Variants in CCDC178 observed in about 807,000 individuals in gnomAD.
The protein encoded by CCDC178 is coiled-coil domain containing 178.
CCDC178 carries 126 observed loss-of-function variants against 117.4 expected under a neutral mutation model. The ratio of observed to expected loss-of-function variants is 1.07; its 90% confidence interval spans 0.93 to 1.24. The LOEUF (loss-of-function observed/expected upper bound fraction) is 1.24, where lower values mean the gene tolerates loss of function less well. Among genes scored for constraint, CCDC178 ranks in the 50% most tolerant of loss-of-function variants. The pLI is 0.00. For synonymous variants in CCDC178, 283 were observed against 313.4 expected (o/e 0.90, Z 1.02); for missense variants, 1,030 against 986.9 (o/e 1.04, Z -0.59).
intron 22 of CCDC178, among the ~76,000 whole-genome samples, chr18:32,942,592 G>A (rs2144592015): frequency 6.6e-6 from 1 of 152,144 alleles, no homozygotes; most frequent in East Asian, 1.9e-4. Flanking sequence ...AGTCATCTGT[G>A]TTTTCTGTTT....
intron 14 of CCDC178, among the ~76,000 whole-genome samples, chr18:33,252,290 A>C (rs1568090048): frequency 6.6e-6 from 1 of 151,748 alleles, no homozygotes; most frequent in Non-Finnish European, 1.5e-5. Context: ...ACCCAAATTC[A>C]TATTTCAATG....
At chr18:33,161,059 T>C (rs140195257) in intron 20 of CCDC178, among the ~76,000 whole-genome samples, 1 of 152,186 alleles carries the variant, frequency 6.6e-6, no homozygotes, top group East Asian at 1.9e-4. Context: ...AATTAAAAAA[T>C]AGATCAACTG....
chr18:33,397,651 GAT>G (rs976692739), intron 3 of CCDC178, among the ~76,000 whole-genome samples: 15 of 152,068 alleles, frequency 9.9e-5, no homozygotes, highest in Middle Eastern at 3.4e-3. Context: ...CATGAAGAAA[GAT>G]AAACGCAATT....
intron 5 of CCDC178, among the ~76,000 whole-genome samples, chr18:33,371,602 A>G (rs2063300997): frequency 6.6e-6 from 1 of 152,016 alleles, no homozygotes; most frequent in Non-Finnish European, 1.5e-5. Context: ...AGTACTAAAA[A>G]TATATTTCAG....
intron 22 of CCDC178, among the ~76,000 whole-genome samples, chr18:32,943,466 T>G (rs2054282957): frequency 6.6e-6 from 1 of 152,122 alleles, no homozygotes; most frequent in African/African-American, 2.4e-5. Flanking sequence ...TTCCTAGAAT[T>G]CAACATGAGT....
intron 3 of CCDC178, among the ~76,000 whole-genome samples, chr18:33,405,801 A>G (rs1245445636): frequency 1.3e-5 from 2 of 152,098 alleles, no homozygotes; most frequent in Non-Finnish European, 2.9e-5. Flanking sequence ...GAAGGATGGG[A>G]AAAGTATAAT....
At chr18:33,405,526 A>G (rs1326419292) in intron 3 of CCDC178, among the ~76,000 whole-genome samples, 1 of 151,962 alleles carries the variant, frequency 6.6e-6, no homozygotes, top group Non-Finnish European at 1.5e-5. Flanking sequence ...TCAAATGACA[A>G]TTAGATAATA....
At chr18:33,320,180 C>G (rs558378537) in intron 11 of CCDC178, among the ~76,000 whole-genome samples, 66 of 152,262 alleles carry the variant, frequency 4.3e-4, no homozygotes, top group African/African-American at 1.5e-3. Flanking sequence ...TGAAAACTGG[C>G]ACAAGACAGG....
chr18:33,112,958 G>A (rs1335504759), intron 20 of CCDC178, among the ~76,000 whole-genome samples: 5 of 151,872 alleles, frequency 3.3e-5, no homozygotes, highest in Admixed American at 1.3e-4. Context: ...CTAATCCCTA[G>A]GATTCCTACT....
At chr18:33,355,179 A>G (rs904753192) in intron 7 of CCDC178, among the ~76,000 whole-genome samples, 23 of 152,244 alleles carry the variant, frequency 1.5e-4, no homozygotes, top group African/African-American at 5.3e-4. Flanking sequence ...AAAATTGGAC[A>G]TTTTGAATAT....
At chr18:32,974,720 G>T in intron 21 of CCDC178, 39 bp from the exon 22 acceptor site, 1 of 1,600,984 alleles carries the variant, frequency 6.2e-7, no homozygotes, top group Non-Finnish European at 8.5e-7. Flanking sequence ...CAAGTCAGAG[G>T]AGGAGAGGAA....
chr18:33,228,290 A>G (rs1465551840), intron 15 of CCDC178, among the ~76,000 whole-genome samples: 1 of 152,182 alleles, frequency 6.6e-6, no homozygotes, highest in East Asian at 1.9e-4. Flanking sequence ...TTTCCTTAAT[A>G]TTCACTCATC....
At chr18:33,200,929 C>T (rs2058983652) in intron 20 of CCDC178, among the ~76,000 whole-genome samples, 2 of 152,090 alleles carry the variant, frequency 1.3e-5, no homozygotes, top group South Asian at 2.1e-4. Flanking sequence ...ACAAATACAT[C>T]GATGAATGAA....
intron 22 of CCDC178, among the ~76,000 whole-genome samples, chr18:32,961,437 A>G (rs568594739): frequency 3.0e-4 from 46 of 152,040 alleles, no homozygotes; most frequent in Non-Finnish European, 4.3e-4. Flanking sequence ...GTTGCATGGT[A>G]TACTCTTCCA....
chr18:33,005,492 T>C (rs750851044), intron 21 of CCDC178, among the ~76,000 whole-genome samples: 1 of 151,970 alleles, frequency 6.6e-6, no homozygotes, highest in Non-Finnish European at 1.5e-5. Context: ...GAATAGGAGA[T>C]GGTTAATGGG....
chr18:33,144,448 T>C (rs2058246483), intron 20 of CCDC178, among the ~76,000 whole-genome samples: 1 of 152,136 alleles, frequency 6.6e-6, no homozygotes. Context: ...TCTTTACAAA[T>C]TATAAAACAA....
intron 9 of CCDC178, among the ~76,000 whole-genome samples, chr18:33,340,928 C>T (rs1320795462): frequency 7.2e-5 from 11 of 152,178 alleles, no homozygotes; most frequent in Non-Finnish European, 1.0e-4. Flanking sequence ...CCTACTGGGG[C>T]ACTGCCCAGT....
At chr18:33,407,218 G>A (rs953057268) in intron 3 of CCDC178, among the ~76,000 whole-genome samples, 34 of 151,954 alleles carry the variant, frequency 2.2e-4, no homozygotes, top group Admixed American at 2.2e-3. Context: ...CCTTAAAATC[G>A]TTAGCAAAGA....
chr18:33,398,660 C>T (rs2063671438), intron 3 of CCDC178, among the ~76,000 whole-genome samples: 1 of 152,046 alleles, frequency 6.6e-6, no homozygotes, highest in South Asian at 2.1e-4. Flanking sequence ...ATGAAAAATA[C>T]AGTTAACTGG....
Sources: gnomAD v4.1 joint callset for allele counts (sites outside exome capture counted in the v4.1 genomes callset) on GRCh38, gnomAD v4.1.1 for gene constraint, MANE v1.5 for transcripts, NCBI Gene and HGNC (gene_info 2026-07-23, HGNC 2026-07-21) for gene names.